The following PCDHA6 variants were observed in gnomAD, a reference collection of about 807,000 sequenced individuals.
The protein encoded by PCDHA6 is protocadherin alpha 6.
PCDHA6 carries 55 observed loss-of-function variants against 60.3 expected under a neutral mutation model. That is an observed-to-expected ratio of 0.91 (90% confidence interval 0.73 to 1.14). The LOEUF is 1.14. Among genes scored for constraint, PCDHA6 ranks in the 50% most tolerant of loss-of-function variants. The pLI is 0.00. For synonymous variants in PCDHA6, 652 were observed against 557.9 expected, an observed-to-expected ratio of 1.17 and a Z score of -2.38; for missense variants, 1,327 against 1,256.5, an observed-to-expected ratio of 1.06 and a Z score of -0.85.
rs2054438060 is a variant in PCDHA6 at position 140,873,702 on chromosome 5, C to T, written c.2394+43217C>T. 9.2e-5 allele frequency among the ~76,000 whole-genome samples: 14 copies of T among 152,214 alleles called. No individual in the cohort carries two copies. In the South Asian group the frequency reaches 2.9e-3, roughly 32 times the overall value. ...TTGAGATAGAGTCTTGCTCTATCAC[C>T]CAGGCTGGTGTGCAGTGGCGCAATC... On this transcript the variant is annotated intron_variant, in intron 1 of 3. Transcript: ENST00000529310.
At chr5:140,904,558 T>C (rs1288543737) in intron 1 of PCDHA6, among the ~76,000 whole-genome samples, 1 of 152,082 alleles carries the variant, frequency 6.6e-6, no homozygotes, top group Non-Finnish European at 1.5e-5. Flanking sequence ...ATAATGACTT[T>C]TTTTTCCTCT....
At chr5:140,870,021 TTTAGA>T (rs782664085) in intron 1 of PCDHA6, 39 of 1,613,464 alleles carry the variant, frequency 2.4e-5, no homozygotes, top group Non-Finnish European at 3.1e-5. Flanking sequence ...TCAATGGAAC[TTTAGA>T]TTATGAAGAA....
chr5:140,999,678 G>A (rs1204037119), intron 3 of PCDHA6, among the ~76,000 whole-genome samples: 2 of 152,112 alleles, frequency 1.3e-5, no homozygotes, highest in East Asian at 1.9e-4. Context: ...GGGGCTCACA[G>A]AAAGAAGAAA....
At chr5:140,882,558 G>C (rs782792864) in intron 1 of PCDHA6, 3 of 1,614,130 alleles carry the variant, frequency 1.9e-6, no homozygotes, top group African/African-American at 1.3e-5. Flanking sequence ...GAGCTGTGTG[G>C]GCGGAGCGCG....
intron 1 of PCDHA6, among the ~76,000 whole-genome samples, chr5:140,897,071 A>AT (rs1433909021): frequency 3.3e-5 from 5 of 151,872 alleles, no homozygotes; most frequent in African/African-American, 1.2e-4. Flanking sequence ...TGTCTTATTC[A>AT]TTTTTTCTAT....
At chr5:140,988,874 T>G (rs1407460154) in intron 3 of PCDHA6, 2 of 152,194 alleles carry the variant, frequency 1.3e-5, no homozygotes, top group Non-Finnish European at 1.5e-5. Flanking sequence ...CACTCAGATG[T>G]ACGATCCTGG....
At chr5:141,003,143 ACT>A (rs1162243146) in intron 3 of PCDHA6, among the ~76,000 whole-genome samples, 1 of 152,180 alleles carries the variant, frequency 6.6e-6, no homozygotes, top group East Asian at 1.9e-4. Context: ...CTTGGCAAAG[ACT>A]CTGACCTGAT....
intron 1 of PCDHA6, among the ~76,000 whole-genome samples, chr5:140,872,635 C>T (rs1172137990): frequency 6.6e-6 from 1 of 152,028 alleles, no homozygotes; most frequent in Non-Finnish European, 1.5e-5. Context: ...GATTTTGTTC[C>T]ATGAAAAGGC....
chr5:140,939,787 C>G (rs1486449192), intron 1 of PCDHA6, among the ~76,000 whole-genome samples: 2 of 152,180 alleles, frequency 1.3e-5, no homozygotes, highest in African/African-American at 2.4e-5. Flanking sequence ...TGGTCAATTT[C>G]TATAAATGTT....
At chr5:140,977,911 A>T (rs2096780139) in intron 1 of PCDHA6, among the ~76,000 whole-genome samples, 1 of 152,002 alleles carries the variant, frequency 6.6e-6, no homozygotes, top group Non-Finnish European at 1.5e-5. Flanking sequence ...TTTATCCCCC[A>T]TTTTTTTCAT....
chr5:141,008,786 T>C (rs2098390952), intron 3 of PCDHA6, among the ~76,000 whole-genome samples: 1 of 152,212 alleles, frequency 6.6e-6, no homozygotes, highest in South Asian at 2.1e-4. Context: ...TGGCTCCCAG[T>C]GTTTTATCTA....
chr5:140,895,023 T>C (rs781895966), intron 1 of PCDHA6, among the ~76,000 whole-genome samples: 2 of 152,204 alleles, frequency 1.3e-5, no homozygotes, highest in Non-Finnish European at 2.9e-5. Flanking sequence ...TTTCCTTTGT[T>C]TAATTGTCCC....
chr5:140,914,928 T>C lies in PCDHA6; in HGVS notation c.2395-64021T>C, dbSNP rs75399267. On this transcript the variant is annotated intron_variant, in intron 1 of 3. Coordinates refer to ENST00000529310, the MANE Select transcript of PCDHA6 (RefSeq NM_018909.4). ...TGTTTCTCTGTGTCTTATTGTACTA[T>C]GTTGTGAAAAGTTGTCTTTTTTTTT... Among the ~76,000 whole-genome samples the C allele has an allele frequency of 4.6e-3, 691 of 150,904 alleles. 3 individuals carry two copies. The highest frequency in any genetic ancestry group is 0.016 in the African/African-American group (668 of 41,182).
chr5:140,854,269 G>C, intron 1 of PCDHA6: 2 of 577,018 alleles, frequency 3.5e-6, no homozygotes, highest in Non-Finnish European at 4.4e-6. Flanking sequence ...TACATTAGTA[G>C]AAATTGAGTT....
intron 1 of PCDHA6, chr5:140,856,888 TA>T (rs782463832): frequency 1.3e-6 from 2 of 1,596,688 alleles, no homozygotes; most frequent in Non-Finnish European, 1.7e-6. Context: ...TGTATTCATT[TA>T]GCTCTTTGGT....
chr5:140,969,483 G>T (rs531496681), intron 1 of PCDHA6: 15 of 1,462,254 alleles, frequency 1.0e-5, no homozygotes, highest in Non-Finnish European at 1.3e-5. Context: ...ATCATAATCT[G>T]CTATTTCCTC....
intron 1 of PCDHA6, chr5:140,968,520 C>A: frequency 6.2e-7 from 1 of 1,614,194 alleles, no homozygotes; most frequent in Non-Finnish European, 8.5e-7. Flanking sequence ...CCTACCTCAA[C>A]CAACTCGTCA....
At chr5:141,007,395 C>CAAAAA (rs35800918) in intron 3 of PCDHA6, among the ~76,000 whole-genome samples, 20 of 94,830 alleles carry the variant, frequency 2.1e-4, no homozygotes, top group South Asian at 3.5e-4. Context: ...TACTAAAATA[C>CAAAAA]AAAAAAAAAA....
intron 1 of PCDHA6, chr5:140,927,108 C>A (rs782811125): frequency 6.2e-7 from 1 of 1,613,646 alleles, no homozygotes; most frequent in Non-Finnish European, 8.5e-7. Context: ...ATCTACCCAG[C>A]GGCAATTTGG....
Sources: gnomAD v4.1 joint callset for allele counts (sites outside exome capture counted in the v4.1 genomes callset) on GRCh38, gnomAD v4.1.1 for gene constraint, MANE v1.5 for transcripts, NCBI Gene and HGNC (gene_info 2026-07-23, HGNC 2026-07-21) for gene names.